TECRL: variants seen among roughly 807,000 people sequenced by gnomAD.
The protein encoded by TECRL is trans-2,3-enoyl-CoA reductase-like.
Under a neutral mutation model 52.8 loss-of-function variants are expected in TECRL, and 63 were observed. That is an observed-to-expected ratio of 1.19 (90% CI 0.97 to 1.47). The LOEUF (loss-of-function observed/expected upper bound fraction) is 1.47. Among genes scored for constraint, TECRL ranks in the 40% most tolerant of loss-of-function variants. TECRL has a pLI of 0.00. For synonymous variants in TECRL, 164 were observed against 141.9 expected (o/e 1.16, Z -1.10); for missense variants, 482 against 429.6 (o/e 1.12, Z -1.08).
At chr4:64,286,592 G>T (rs1172654816) in intron 9 of TECRL, among the ~76,000 whole-genome samples, 1 of 150,598 alleles carries the variant, frequency 6.6e-6, no homozygotes, top group Non-Finnish European at 1.5e-5. Flanking sequence ...TGGGGAAATT[G>T]GTTGGGAATC....
At chr4:64,406,228 TC>T (rs1177816662) in intron 1 of TECRL, among the ~76,000 whole-genome samples, 1 of 151,700 alleles carries the variant, frequency 6.6e-6, no homozygotes, top group Non-Finnish European at 1.5e-5. Flanking sequence ...TTTTCTTTCA[TC>T]CTAGGACTTT....
chr4:64,397,957 C>T (rs1238967903), intron 1 of TECRL, among the ~76,000 whole-genome samples: 1 of 151,252 alleles, frequency 6.6e-6, no homozygotes. Flanking sequence ...AAAAATGTGC[C>T]CAATGACTTA....
intron 4 of TECRL, among the ~76,000 whole-genome samples, chr4:64,316,745 A>G (rs12646080): frequency 1.3e-5 from 2 of 152,176 alleles, no homozygotes; most frequent in African/African-American, 4.8e-5. Context: ...TATACTGAAG[A>G]CTATATTCTA....
chr4:64,295,148 A>G (rs919138007), intron 8 of TECRL, among the ~76,000 whole-genome samples: 1 of 151,682 alleles, frequency 6.6e-6, no homozygotes, highest in African/African-American at 2.4e-5. Context: ...GTGCTTTAAA[A>G]GAAATACATT....
At chr4:64,321,594 T>C (rs1243650113) in intron 4 of TECRL, among the ~76,000 whole-genome samples, 3 of 152,190 alleles carry the variant, frequency 2.0e-5, no homozygotes, top group Non-Finnish European at 4.4e-5. Flanking sequence ...TGTTACTAAA[T>C]ATCATATTAA....
intron 7 of TECRL, among the ~76,000 whole-genome samples, chr4:64,300,636 T>C (rs1225173891): frequency 2.0e-5 from 3 of 151,032 alleles, no homozygotes; most frequent in African/African-American, 7.2e-5. Flanking sequence ...AATAGAATTA[T>C]TTGATAAACC....
intron 1 of TECRL, among the ~76,000 whole-genome samples, chr4:64,406,601 C>T (rs533589865): frequency 1.1e-4 from 17 of 151,950 alleles, no homozygotes; most frequent in Non-Finnish European, 2.2e-4. Context: ...CATATATTAT[C>T]CCTACTCTAC....
chr4:64,305,279 T>C lies in TECRL; in HGVS notation c.658-41A>G, dbSNP rs745382973. ...AACAAAATAAAAGTTAGGAAAAATA[T>C]GTAATATATATTTCAATTGTGACAT... On this transcript the variant is annotated intron_variant, in intron 6 of 11. Transcript: ENST00000381210. The C allele has an allele frequency of 4.5e-6, 7 of 1,550,544 alleles. No homozygotes were observed. In the East Asian group the frequency reaches 1.4e-4, roughly 30 times the overall value.
chr4:64,355,581 G>A (rs1245588626), intron 2 of TECRL, among the ~76,000 whole-genome samples: 1 of 151,888 alleles, frequency 6.6e-6, no homozygotes, highest in Non-Finnish European at 1.5e-5. Flanking sequence ...GGCAGATGAC[G>A]ATGTCAGGAG....
chr4:64,387,818 C>G (rs766081221), intron 1 of TECRL, among the ~76,000 whole-genome samples: 2 of 151,846 alleles, frequency 1.3e-5, no homozygotes, highest in African/African-American at 2.4e-5. Context: ...ATGTGATGAA[C>G]CACATTAATT....
intron 9 of TECRL, among the ~76,000 whole-genome samples, chr4:64,284,332 T>C (rs1278777590): frequency 6.6e-6 from 1 of 152,002 alleles, no homozygotes; most frequent in African/African-American, 2.4e-5. Context: ...CTAGAGCAGA[T>C]AGTCTACGCA....
chr4:64,342,541 G>C (rs534086998), intron 2 of TECRL, among the ~76,000 whole-genome samples: 2 of 151,804 alleles, frequency 1.3e-5, no homozygotes, highest in African/African-American at 4.8e-5. Context: ...CTGAAGAGAA[G>C]GTGATTACTG....
intron 8 of TECRL, among the ~76,000 whole-genome samples, chr4:64,290,659 T>C (rs992639783): frequency 2.6e-5 from 4 of 152,168 alleles, no homozygotes; most frequent in African/African-American, 9.6e-5. Context: ...AATAGTTCTA[T>C]GGACTTTAAT....
intron 1 of TECRL, among the ~76,000 whole-genome samples, chr4:64,393,725 G>T (rs1398507440): frequency 1.3e-5 from 2 of 151,446 alleles, no homozygotes; most frequent in Non-Finnish European, 2.9e-5. Context: ...CATCATATAT[G>T]ATTGTATTTA....
At chr4:64,308,350 CAT>C (rs1432289131) in intron 6 of TECRL, among the ~76,000 whole-genome samples, 2 of 152,154 alleles carry the variant, frequency 1.3e-5, no homozygotes, top group African/African-American at 2.4e-5. Flanking sequence ...ATCCTGAACT[CAT>C]AGTGCCATTA....
intron 8 of TECRL, among the ~76,000 whole-genome samples, chr4:64,296,132 A>T (rs1483919190): frequency 6.6e-6 from 1 of 151,914 alleles, no homozygotes; most frequent in Non-Finnish European, 1.5e-5. Flanking sequence ...GACTGCTGAA[A>T]ATGAAAGCAC....
intron 1 of TECRL, among the ~76,000 whole-genome samples, chr4:64,404,246 A>C (rs1724563579): frequency 6.7e-6 from 1 of 149,812 alleles, no homozygotes; most frequent in Admixed American, 6.7e-5. Flanking sequence ...ACAATAGGAG[A>C]AAGAGAGCTC....
At chr4:64,294,418 A>G (rs1238353440) in intron 8 of TECRL, among the ~76,000 whole-genome samples, 1 of 152,122 alleles carries the variant, frequency 6.6e-6, no homozygotes, top group East Asian at 1.9e-4. Context: ...TTTGCCAAAC[A>G]TTTATTCACT....
At chr4:64,367,886 T>C (rs901379252) in intron 2 of TECRL, among the ~76,000 whole-genome samples, 4 of 152,112 alleles carry the variant, frequency 2.6e-5, no homozygotes, top group Admixed American at 2.6e-4. Flanking sequence ...TGTATCTCTT[T>C]TGTTATGCTC....
Sources: gnomAD v4.1 joint callset for allele counts (sites outside exome capture counted in the v4.1 genomes callset) on GRCh38, gnomAD v4.1.1 for gene constraint, MANE v1.5 for transcripts, NCBI Gene and HGNC (gene_info 2026-07-23, HGNC 2026-07-21) for gene names.